The following GTF3C2 variants were observed in gnomAD, a reference collection of about 807,000 sequenced individuals.
GTF3C2 encodes the protein general transcription factor IIIC subunit 2, also known as general transcription factor 3C polypeptide 2.
A neutral mutation model predicts 117.4 loss-of-function variants in GTF3C2; 17 were observed. The observed-to-expected ratio is 0.14, with a 90% CI of 0.10 to 0.22. The LOEUF (loss-of-function observed/expected upper bound fraction) is 0.22. Among genes scored for constraint, GTF3C2 ranks in the 10% least tolerant of loss-of-function variants. GTF3C2 has a pLI of 1.00. For missense variants in GTF3C2, 888 were observed against 1,143.6 expected, an observed-to-expected ratio of 0.78 and a Z score of 3.22; for synonymous variants, 437 against 427.0, an observed-to-expected ratio of 1.02 and a Z score of -0.29.
chr2:27,354,945 AATT>A (rs1323616457), intron 1 of GTF3C2, among the ~76,000 whole-genome samples: 2 of 152,170 alleles, frequency 1.3e-5, no homozygotes, highest in East Asian at 3.9e-4. Context: ...TTCATCAATA[AATT>A]ATTTTTCTCG....
chr2:27,340,686 T>A (rs1680696452), intron 4 of GTF3C2: 2 of 151,632 alleles, frequency 1.3e-5, no homozygotes, highest in Admixed American at 6.6e-5. Context: ...AATGGTGCAA[T>A]CTCAGCTCAC....
At position 27,329,120 on chromosome 2, in the gene GTF3C2, C is replaced by G; in HGVS notation, c.2039+1G>C. ...GAGGTCCTATCTCCATCTTGCCGTA[C>G]GAGGCATAGCAGTTGTCCTGAGCCA... is the stretch of plus-strand genomic sequence containing the variant. On this transcript the variant is annotated splice_donor_variant, in intron 14 of 18. Transcript: ENST00000264720. LOFTEE classifies it high-confidence loss of function. This position sits in a 1 kb window ranked among gnomAD's most constrained non-coding sequence, Gnocchi z 4.5. The G allele has an allele frequency of 6.2e-7, 1 of 1,613,968 alleles. No individual in the cohort carries two copies. The highest frequency in any genetic ancestry group is 8.5e-7 in the Non-Finnish European group (1 of 1,179,904).
intron 1 of GTF3C2, among the ~76,000 whole-genome samples, chr2:27,348,086 G>A (rs1160287530): frequency 6.6e-6 from 1 of 152,158 alleles, no homozygotes; most frequent in Non-Finnish European, 1.5e-5. Context: ...TGGCCAACAT[G>A]GTGAAACCCT....
chr2:27,342,675 G>C, intron 3 of GTF3C2, 151 bp downstream of exon 3: 1 of 628,518 alleles, frequency 1.6e-6, no homozygotes, highest in Non-Finnish European at 2.9e-6. Flanking sequence ...ATAGTGCTGC[G>C]GTAAGAGCCT....
intron 12 of GTF3C2, among the ~76,000 whole-genome samples, chr2:27,332,407 A>C (rs1223601262): frequency 6.6e-6 from 1 of 151,708 alleles, no homozygotes; most frequent in African/African-American, 2.4e-5. Context: ...TTTTTTAAAA[A>C]TTTTATTATT....
At chr2:27,349,187 G>C (rs535400115) in intron 1 of GTF3C2, among the ~76,000 whole-genome samples, 20 of 121,272 alleles carry the variant, frequency 1.6e-4, no homozygotes, top group Admixed American at 5.1e-4. Flanking sequence ...TTGCTCTGTT[G>C]CCCAGGCTGC....
rs1401973111 is a variant in GTF3C2, at chr2:27,342,298, G to A, written c.570-65C>T. On this transcript the variant is annotated intron_variant, in intron 3 of 18. Coordinates refer to ENST00000264720, the Ensembl canonical transcript of GTF3C2. The stretch of plus-strand genomic sequence containing the variant: ...ACTGAGAACCCACGTTTCCAGACAT[G>A]GTTGATTTTTATCTCAATGGAGCCT... 6 of 1,369,428 alleles carry A rather than the reference G, an allele frequency of 4.4e-6. No homozygotes were observed. In the East Asian group the frequency reaches 1.4e-4, roughly 32 times the overall value. 84.8% of individuals were successfully genotyped at this position (1,369,428 alleles called of 1,614,324 possible).
Position 27,341,088 on chromosome 2 carries a change from T to A in GTF3C2, c.855+860A>T, listed in dbSNP as rs966997591. Among the ~76,000 whole-genome samples, 4 of 152,140 alleles carry A rather than the reference T, an allele frequency of 2.6e-5. No individual in the cohort carries two copies. In the East Asian group the frequency reaches 7.7e-4, roughly 29 times the overall value. On this transcript the variant is annotated intron_variant, in intron 4 of 18. Coordinates refer to ENST00000264720, the Ensembl canonical transcript of GTF3C2. Reference sequence around the variant, plus strand: ...TCTCACTGTCTCACCCAGGCTGGAGTGCAGTGGCATGATCTCAGCTCACTG... The same window carrying A: ...TCTCACTGTCTCACCCAGGCTGGAGAGCAGTGGCATGATCTCAGCTCACTG...
At chr2:27,356,402 G>A (rs1446361839) in intron 1 of GTF3C2, 1 of 268,984 alleles carries the variant, frequency 3.7e-6, no homozygotes, top group East Asian at 7.9e-5. Context: ...AGGAGCCCTG[G>A]TTTTTCTAAC....
At chr2:27,356,422 T>A (rs937806464) in intron 1 of GTF3C2, 4 of 255,074 alleles carry the variant, frequency 1.6e-5, no homozygotes, top group East Asian at 8.1e-5. Context: ...CAAGGACTAC[T>A]GTAGGTTCGC....
chr2:27,354,944 AAATT>A (rs1220389669), intron 1 of GTF3C2, among the ~76,000 whole-genome samples: 1 of 152,186 alleles, frequency 6.6e-6, no homozygotes, highest in Non-Finnish European at 1.5e-5. Context: ...ATTCATCAAT[AAATT>A]ATTTTTCTCG....
chr2:27,328,224 A>ACT, intron 16 of GTF3C2, 35 bp from the exon 17 acceptor site: 1 of 1,496,400 alleles, frequency 6.7e-7, no homozygotes, highest in Non-Finnish European at 9.1e-7. Context: ...GTTCTATAAT[A>ACT]CTCAAGACAG....
At chr2:27,335,407 T>C (rs1680424907) in intron 10 of GTF3C2, 191 bp downstream of exon 10, 1 of 708,964 alleles carries the variant, frequency 1.4e-6, no homozygotes. Flanking sequence ...GCTGAAAGAG[T>C]ACAGCTGTAA....
chr2:27,332,685 A>AT (rs1449344749), intron 12 of GTF3C2, among the ~76,000 whole-genome samples: 1 of 151,942 alleles, frequency 6.6e-6, no homozygotes, highest in African/African-American at 2.4e-5. Flanking sequence ...GAGTGCTGGG[A>AT]TTACAGGCGT....
chr2:27,342,985 G>T (rs1489041792), exon 3 of GTF3C2: 1 of 1,614,076 alleles, frequency 6.2e-7, no homozygotes, highest in Non-Finnish European at 8.5e-7. Flanking sequence ...AGGCATGGGG[G>T]TGGACAGAGG....
At position 27,343,519 on chromosome 2, in the gene GTF3C2, C is replaced by T. The variant is rs188815592; in HGVS notation, c.36G>A (p.Gly12=). ...TCATGTTCCCCACGGGGCCGGCCTC[C>T]CCCAGGGCAACATAGCCGACCCCGC... is the stretch of plus-strand genomic sequence containing the variant. The change falls in exon 2 of 19, where the codon GGG becomes GGA. Residue 12 remains glycine (G), a synonymous_variant. Transcript: ENST00000264720. 3.0e-5 allele frequency: 49 copies of T among 1,613,920 alleles called. No homozygotes were observed. The African/African-American group carries it at 3.2e-4, about 11-fold the overall frequency.
intron 12 of GTF3C2, among the ~76,000 whole-genome samples, chr2:27,330,054 C>G (rs1474151574): frequency 6.8e-6 from 1 of 146,416 alleles, no homozygotes; most frequent in African/African-American, 2.6e-5. Flanking sequence ...GCTAAAGCAG[C>G]AGAATCGCTT....
At chr2:27,333,343 T>G (rs763079015) in intron 12 of GTF3C2, among the ~76,000 whole-genome samples, 2 of 151,118 alleles carry the variant, frequency 1.3e-5, no homozygotes, top group South Asian at 4.2e-4. Flanking sequence ...TTGGTAGAGA[T>G]AGGGTTTCGC....
intron 1 of GTF3C2, among the ~76,000 whole-genome samples, chr2:27,354,510 C>G (rs1247712726): frequency 3.3e-5 from 5 of 152,186 alleles, no homozygotes; most frequent in Admixed American, 2.6e-4. Context: ...CCTGTAATCC[C>G]AGCACTTTGG....
Sources: gnomAD v4.1 joint callset for allele counts (sites outside exome capture counted in the v4.1 genomes callset) on GRCh38, gnomAD v4.1.1 for gene constraint, Gnocchi (gnomAD v3.1) non-coding constraint, MANE v1.5 for transcripts, NCBI Gene and HGNC (gene_info 2026-07-23, HGNC 2026-07-21) for gene names.